The following MOB1A variants were observed in gnomAD, a reference collection of about 807,000 sequenced individuals.
The protein encoded by MOB1A is MOB kinase activator 1A.
In MOB1A, 10 loss-of-function variants were observed where a neutral mutation model predicts 25.1. The ratio of observed to expected loss-of-function variants is 0.40; its 90% CI spans 0.25 to 0.68. The LOEUF (loss-of-function observed/expected upper bound fraction) is 0.68. Ranked by LOEUF, MOB1A falls within the 30% of genes least tolerant of loss-of-function variation. The probability of loss-of-function intolerance (pLI) is 0.40; values close to 1 mark genes in which losing one functional copy is unlikely to be tolerated. For missense variants in MOB1A, 177 were observed against 256.3 expected (o/e 0.69, Z 2.11); for synonymous variants, 81 against 79.5 (o/e 1.02, Z -0.10).
At position 74,156,544 on chromosome 2, in the gene MOB1A, G is replaced by GTA; in HGVS notation, c.*22_*23dup. On this transcript the variant is annotated 3_prime_UTR_variant, in exon 6 of 6. Coordinates refer to ENST00000396049, the MANE Select transcript of MOB1A (RefSeq NM_018221.5). Reference sequence around the variant, plus strand: ...TTCTAGCAATAGATGAAGCAAGGGGGTAACTGTGTTCTAGAAGAAACATTT... The same window carrying GTA: ...TTCTAGCAATAGATGAAGCAAGGGGGTATAACTGTGTTCTAGAAGAAACATTT... 2 of 1,481,838 alleles carry GTA rather than the reference G, an allele frequency of 1.3e-6. No homozygotes were observed. The highest frequency in any genetic ancestry group is 9.2e-7 in the Non-Finnish European group (1 of 1,083,414). 91.8% of individuals were successfully genotyped at this position (1,481,838 alleles called of 1,614,324 possible). A position where few individuals can be genotyped will look rare whatever the true frequency, so the allele number is the denominator to read the frequency against.
At position 74,178,706 on chromosome 2, in the gene MOB1A, C is replaced by A; in HGVS notation, c.-32G>T. ...TCCTCAGAGGGGAGGCGAGGGGCCC[C>A]TGGCCCCCGCCTGGATCAGGATTCG... On this transcript the variant is annotated 5_prime_UTR_variant, in exon 1 of 6. It adds an upstream start codon to the 5' untranslated region. Coordinates refer to ENST00000396049, the MANE Select transcript of MOB1A (RefSeq NM_018221.5). 1 of 1,270,826 alleles carries A rather than the reference C, an allele frequency of 7.9e-7. No individual in the cohort carries two copies. The highest frequency in any genetic ancestry group is 3.1e-5 in the East Asian group (1 of 32,018). The allele number at this position is 1,270,826 out of a possible 1,614,324, so 78.7% of individuals were successfully genotyped here.
chr2:74,173,188 A>T, intron 1 of MOB1A: 1 of 518,076 alleles, frequency 1.9e-6, no homozygotes, highest in Non-Finnish European at 3.9e-6. Flanking sequence ...GATGATGATC[A>T]CAATACAAGA....
intron 4 of MOB1A, among the ~76,000 whole-genome samples, chr2:74,163,562 CAGG>C (rs1208716591): frequency 6.6e-6 from 1 of 152,034 alleles, no homozygotes; most frequent in Non-Finnish European, 1.5e-5. Context: ...CACTGGAGCC[CAGG>C]AGATCAAGGC....
At chr2:74,160,833 C>G (rs917377112) in intron 4 of MOB1A, among the ~76,000 whole-genome samples, 3 of 152,014 alleles carry the variant, frequency 2.0e-5, no homozygotes, top group African/African-American at 7.3e-5. Context: ...CATTAGAAAA[C>G]AGGGACAGAC....
rs926866673 is a variant in MOB1A at position 74,156,438 on chromosome 2, T to G, written c.*130A>C. On this transcript the variant is annotated 3_prime_UTR_variant, in exon 6 of 6. Coordinates refer to ENST00000396049, the MANE Select transcript of MOB1A (RefSeq NM_018221.5). ...CCTACCTTTGGGATAATTTTATCAG[T>G]AGACACAGGCAATGGGTATCTTTTT... The G allele has an allele frequency of 1.3e-6, 1 of 753,770 alleles. No homozygotes were observed. The highest frequency in any genetic ancestry group is 1.8e-5 in the African/African-American group (1 of 56,150). 46.7% of individuals were successfully genotyped at this position (753,770 alleles called of 1,614,324 possible).
chr2:74,159,818 TCCC>T (rs59971449), intron 4 of MOB1A, among the ~76,000 whole-genome samples: 2 of 98,640 alleles, frequency 2.0e-5, no homozygotes, highest in Admixed American at 1.8e-4. Flanking sequence ...TTGTTTTTTG[TCCC>T]CCCCCCCACC....
rs1693321862 is a variant in MOB1A, at chr2:74,172,513, A to G, written c.181+73T>C. 5 of 1,435,168 alleles carry G rather than the reference A, an allele frequency of 3.5e-6. No individual in the cohort carries two copies. In the African/African-American group the frequency reaches 5.7e-5, roughly 16 times the overall value. The allele number at this position is 1,435,168 out of a possible 1,614,324, so 88.9% of individuals were successfully genotyped here. On this transcript the variant is annotated intron_variant, in intron 2 of 5. Coordinates refer to ENST00000396049, the MANE Select transcript of MOB1A (RefSeq NM_018221.5). ...TATATTAAAACAGTTCTAACTGTAA[A>G]AGAAAATTCATTAACAAAGAGATTT...
intron 4 of MOB1A, chr2:74,164,075 T>A (rs1177091737): frequency 6.6e-6 from 1 of 152,082 alleles, no homozygotes; most frequent in Non-Finnish European, 1.5e-5. Context: ...TAGGAACAGA[T>A]AAAGAGACTA....
chr2:74,172,893 T>C (rs1404904072), intron 1 of MOB1A, 141 bp from the exon 2 acceptor site: 2 of 875,292 alleles, frequency 2.3e-6, no homozygotes, highest in East Asian at 5.4e-5. Flanking sequence ...GGCTCATGCC[T>C]GTAATCCCAG....
At position 74,156,355 on chromosome 2, in the gene MOB1A, C is replaced by T. The variant is rs1310254580; in HGVS notation, c.*213G>A. 6.6e-5 allele frequency: 36 copies of T among 546,858 alleles called. No individual in the cohort carries two copies. The highest frequency in any genetic ancestry group is 1.1e-4 in the Non-Finnish European group (34 of 309,194). The allele number at this position is 546,858 out of a possible 1,614,324, so 33.9% of individuals were successfully genotyped here. A position where few individuals can be genotyped will look rare whatever the true frequency, so the allele number is the denominator to read the frequency against. ...TATGTGATAACAACAAGAGTGGTCA[C>T]ACAGTACTTAAGATTTGGCTGTGTC... On this transcript the variant is annotated 3_prime_UTR_variant, in exon 6 of 6. Coordinates refer to ENST00000396049, the MANE Select transcript of MOB1A (RefSeq NM_018221.5).
At chr2:74,176,272 T>C (rs1426305206) in intron 1 of MOB1A, among the ~76,000 whole-genome samples, 8 of 54,968 alleles carry the variant, frequency 1.5e-4, no homozygotes, top group African/African-American at 7.7e-4. Flanking sequence ...TGAGACCCTG[T>C]CTCAAAAAAA....
At chr2:74,166,351 A>G (rs528388771) in intron 3 of MOB1A, among the ~76,000 whole-genome samples, 1 of 152,354 alleles carries the variant, frequency 6.6e-6, no homozygotes, top group South Asian at 2.1e-4. Flanking sequence ...AACTCTTCCA[A>G]GAAATTCATT....
Position 74,167,021 on chromosome 2 carries a change from C to T in MOB1A, c.268G>A (p.Gly90Ser). The stretch of plus-strand genomic sequence containing the variant: ...AATAGGCAGTATATGTACCTCGGAC[C>T]TGCAGACATGACTGGACAGCTTGCT... ...TEASCPVMSA[G>S]PRYEYHWADG... Residue 90 changes from glycine (G) to serine (S), a missense_variant, in exon 3 of 6, where the codon GGT (glycine) becomes AGT (serine). Physicochemically the swap from Gly to Ser is moderately conservative, Grantham distance 56 (BLOSUM62 0). Transcript: ENST00000396049. 1 of 1,612,920 alleles carries T rather than the reference C, an allele frequency of 6.2e-7. No individual in the cohort carries two copies.
chr2:74,167,568 T>C (rs1006806983), intron 2 of MOB1A, among the ~76,000 whole-genome samples: 2 of 152,056 alleles, frequency 1.3e-5, no homozygotes, highest in Non-Finnish European at 2.9e-5. Flanking sequence ...CCTTTGGATA[T>C]ACAATATGAT....
chr2:74,172,523 A>ATTAAC (rs1553445745), intron 2 of MOB1A, 63 bp downstream of exon 2: 1 of 1,490,714 alleles, frequency 6.7e-7, no homozygotes, highest in East Asian at 2.3e-5. Flanking sequence ...AAGAAAATTC[A>ATTAAC]TTAACAAAGA....
intron 1 of MOB1A, among the ~76,000 whole-genome samples, chr2:74,175,011 C>G (rs547947884): frequency 6.6e-6 from 1 of 152,324 alleles, no homozygotes; most frequent in African/African-American, 2.4e-5. Context: ...CTGGAGCCCA[C>G]AGAAGGAGAT....
chr2:74,169,302 G>C (rs951479210), intron 2 of MOB1A, among the ~76,000 whole-genome samples: 4 of 152,094 alleles, frequency 2.6e-5, no homozygotes, highest in African/African-American at 9.7e-5. Context: ...AGGAGTTCTA[G>C]AACAACCTGG....
At chr2:74,171,311 A>T (rs1223324382) in intron 2 of MOB1A, among the ~76,000 whole-genome samples, 2 of 151,960 alleles carry the variant, frequency 1.3e-5, no homozygotes, top group African/African-American at 4.8e-5. Context: ...AAAAAAAAAT[A>T]AAAAATAAAA....
chr2:74,164,471 T>C (rs1426878264), intron 4 of MOB1A: 4 of 151,738 alleles, frequency 2.6e-5, no homozygotes, highest in South Asian at 2.1e-4. Context: ...TGAGCCAAGA[T>C]TGTGCCGCTG....
Sources: allele counts gnomAD v4.1 joint callset (sites outside exome capture counted in the v4.1 genomes callset), GRCh38; gene constraint gnomAD v4.1.1; transcripts MANE v1.5; gene names NCBI Gene and HGNC (gene_info 2026-07-23, HGNC 2026-07-21).